The following GPR39 variants were observed in gnomAD, a reference collection of about 807,000 sequenced individuals.
The protein encoded by GPR39 is G protein-coupled receptor 39.
In GPR39, 23 loss-of-function variants were observed where a neutral mutation model predicts 18.4. The observed-to-expected ratio is 1.25, with a 90% CI of 0.90 to 1.77. The LOEUF (loss-of-function observed/expected upper bound fraction) is 1.77. GPR39 is among the 40% of genes most tolerant of loss of function. GPR39 has a pLI of 0.00. For synonymous variants in GPR39, 280 were observed against 257.9 expected (o/e 1.09, Z -0.82); for missense variants, 647 against 602.4 (o/e 1.07, Z -0.78).
chr2:132,497,150 C>T lies in GPR39; in HGVS notation c.856+79252C>T, dbSNP rs551627332. ...TGTGTGTGTGGGCAGGCGTGTGGCT[C>T]TCTGTGTATAAACACGTGCAGAGTG... On this transcript the variant is annotated intron_variant, in intron 1 of 1. Transcript: ENST00000329321. Among the ~76,000 whole-genome samples, 5 of 152,264 alleles carry T rather than the reference C, an allele frequency of 3.3e-5. No homozygotes were observed. In the South Asian group the frequency reaches 1.0e-3, roughly 32 times the overall value.
intron 1 of GPR39, among the ~76,000 whole-genome samples, chr2:132,597,483 T>C (rs1573689334): frequency 6.6e-6 from 1 of 152,328 alleles, no homozygotes; most frequent in East Asian, 1.9e-4. Context: ...TTACTTCATG[T>C]AGGGGACACC....
chr2:132,461,485 A>G (rs1458672495), intron 1 of GPR39, among the ~76,000 whole-genome samples: 1 of 152,252 alleles, frequency 6.6e-6, no homozygotes, highest in Non-Finnish European at 1.5e-5. Context: ...AACATTTAGA[A>G]AACCATAAGA....
At chr2:132,554,459 T>C (rs530962842) in intron 1 of GPR39, among the ~76,000 whole-genome samples, 6 of 152,276 alleles carry the variant, frequency 3.9e-5, no homozygotes, top group African/African-American at 1.4e-4. Context: ...GGGATGCTCA[T>C]GAGTTTGTGG....
At chr2:132,543,890 AG>A (rs1679899515) in intron 1 of GPR39, among the ~76,000 whole-genome samples, 1 of 152,222 alleles carries the variant, frequency 6.6e-6, no homozygotes, top group East Asian at 1.9e-4. Flanking sequence ...CATGCAAGCA[AG>A]GGCTTTTCAA....
intron 1 of GPR39, among the ~76,000 whole-genome samples, chr2:132,574,628 A>T (rs1284830963): frequency 6.6e-6 from 1 of 152,164 alleles, no homozygotes; most frequent in Non-Finnish European, 1.5e-5. Context: ...CCAGCTACTC[A>T]GGTGGCCAAG....
chr2:132,585,232 C>T (rs1377773049), intron 1 of GPR39, among the ~76,000 whole-genome samples: 1 of 152,136 alleles, frequency 6.6e-6, no homozygotes, highest in African/African-American at 2.4e-5. Context: ...CTTGGGGGCT[C>T]TCTGTGGGCC....
intron 1 of GPR39, among the ~76,000 whole-genome samples, chr2:132,558,343 C>T (rs1680191310): frequency 6.6e-6 from 1 of 151,960 alleles, no homozygotes; most frequent in African/African-American, 2.4e-5. Flanking sequence ...GGGAGGCTCT[C>T]CCACCCCATG....
chr2:132,430,629 A>T (rs1680208859), intron 1 of GPR39, among the ~76,000 whole-genome samples: 1 of 152,012 alleles, frequency 6.6e-6, no homozygotes, highest in Admixed American at 6.5e-5. Context: ...CTTTGTTGCC[A>T]CTCCATCCAG....
chr2:132,569,953 A>G (rs977836409), intron 1 of GPR39, among the ~76,000 whole-genome samples: 1 of 152,120 alleles, frequency 6.6e-6, no homozygotes, highest in Non-Finnish European at 1.5e-5. Context: ...GGAACTGTAA[A>G]TCCAAGAGAC....
intron 1 of GPR39, among the ~76,000 whole-genome samples, chr2:132,587,827 G>A (rs780215835): frequency 2.6e-5 from 4 of 152,150 alleles, no homozygotes; most frequent in African/African-American, 4.8e-5. Flanking sequence ...GAGCCACTGC[G>A]CCCAGCCTAG....
At chr2:132,545,020 G>A (rs1679920825) in intron 1 of GPR39, among the ~76,000 whole-genome samples, 1 of 152,198 alleles carries the variant, frequency 6.6e-6, no homozygotes. Flanking sequence ...ACACCCAAGG[G>A]GAAAAGAGGT....
chr2:132,592,086 T>A (rs1680855879), intron 1 of GPR39, among the ~76,000 whole-genome samples: 1 of 152,230 alleles, frequency 6.6e-6, no homozygotes, highest in African/African-American at 2.4e-5. Flanking sequence ...TGCCAAGTGG[T>A]ATTCTAGACA....
intron 1 of GPR39, among the ~76,000 whole-genome samples, chr2:132,429,230 C>G (rs1390819070): frequency 2.0e-5 from 3 of 152,270 alleles, no homozygotes; most frequent in Middle Eastern, 6.8e-3. Flanking sequence ...GTTTTGCAGT[C>G]CACGTTCTTT....
intron 1 of GPR39, among the ~76,000 whole-genome samples, chr2:132,591,266 A>G (rs911688022): frequency 4.1e-5 from 5 of 120,540 alleles, no homozygotes; most frequent in Admixed American, 8.9e-5. Flanking sequence ...TCAAAAAAAA[A>G]AAAAAAAAAA....
At chr2:132,444,582 C>T (rs1381776663) in intron 1 of GPR39, among the ~76,000 whole-genome samples, 4 of 152,172 alleles carry the variant, frequency 2.6e-5, no homozygotes, top group African/African-American at 4.8e-5. Flanking sequence ...GCTACCACAC[C>T]GGCTATGAGA....
chr2:132,431,143 C>A (rs1680218835), intron 1 of GPR39, among the ~76,000 whole-genome samples: 1 of 152,142 alleles, frequency 6.6e-6, no homozygotes, highest in African/African-American at 2.4e-5. Context: ...ACTCACTGAC[C>A]AAGTATCAGG....
Position 132,625,872 on chromosome 2 carries a change from C to T in GPR39, c.857-19229C>T, listed in dbSNP as rs183970737. 1.3e-3 allele frequency among the ~76,000 whole-genome samples: 196 copies of T among 152,176 alleles called. 1 individual carries two copies. In the Middle Eastern group the frequency reaches 0.017, roughly 13 times the overall value. ...TCACCAGCTCTTTGGGAGGCCAAGG[C>T]GGGTGGATCACAAGGTTGGGAGATC... On this transcript the variant is annotated intron_variant, in intron 1 of 1. Transcript: ENST00000329321.
chr2:132,606,947 T>C (rs1046973167), intron 1 of GPR39, among the ~76,000 whole-genome samples: 4 of 152,186 alleles, frequency 2.6e-5, no homozygotes, highest in African/African-American at 9.7e-5. Context: ...CCTGCCACTC[T>C]TTTCCAAAGG....
At chr2:132,523,581 G>C (rs1159806061) in intron 1 of GPR39, 1 of 152,168 alleles carries the variant, frequency 6.6e-6, no homozygotes, top group East Asian at 1.9e-4. Flanking sequence ...CTGTGAATTG[G>C]GAGCTGCCTT....
Sources: gnomAD v4.1 joint callset for allele counts (sites outside exome capture counted in the v4.1 genomes callset) on GRCh38, gnomAD v4.1.1 for gene constraint, MANE v1.5 for transcripts, NCBI Gene and HGNC (gene_info 2026-07-23, HGNC 2026-07-21) for gene names.